Variants in RARB observed in about 807,000 individuals in gnomAD.
RARB encodes HBV-activated protein.
RARB carries 17 observed loss-of-function variants against 51.9 expected under a neutral mutation model. That is an observed-to-expected ratio of 0.33 (90% CI 0.22 to 0.49). The LOEUF is 0.49. Among genes scored for constraint, RARB ranks in the 20% least tolerant of loss-of-function variants. RARB has a pLI of 0.99. For synonymous variants in RARB, 215 were observed against 195.4 expected (o/e 1.10, Z -0.84); for missense variants, 369 against 550.8 (o/e 0.67, Z 3.30).
intron 1 of RARB, among the ~76,000 whole-genome samples, chr3:25,435,349 A>AT (rs1324521797): frequency 6.6e-6 from 1 of 152,174 alleles, no homozygotes; most frequent in Non-Finnish European, 1.5e-5. Flanking sequence ...TCACATCCCA[A>AT]TTTTTTTCCC....
intron 2 of RARB, among the ~76,000 whole-genome samples, chr3:25,475,810 C>T (rs1695918055): frequency 1.3e-5 from 2 of 152,226 alleles, no homozygotes; most frequent in South Asian, 4.1e-4. Context: ...GCATTTGTTA[C>T]TCTCACAGTA....
At chr3:25,443,088 C>T (rs530160193) in intron 1 of RARB, among the ~76,000 whole-genome samples, 127 of 152,200 alleles carry the variant, frequency 8.3e-4, no homozygotes, top group African/African-American at 3.0e-3. Flanking sequence ...ACCCAGAGTG[C>T]GGCACACAGT....
chr3:24,829,822 C>T (rs1168026465), intron 1 of RARB, among the ~76,000 whole-genome samples: 5 of 152,232 alleles, frequency 3.3e-5, no homozygotes, highest in Non-Finnish European at 7.3e-5. Flanking sequence ...CTTCGCGTCC[C>T]TGCCGGGTCC....
At position 25,505,544 on chromosome 3, in the gene RARB, A is replaced by ATT. The variant is rs5847359; in HGVS notation, c.448+4233_448+4234dup. ...ATCAGAACAGTATGCTTATTTCTTC[A>ATT]TTTTTTTTTTTTTCTGTTTTGTAAA... is the stretch of plus-strand genomic sequence containing the variant. On this transcript the variant is annotated intron_variant, in intron 3 of 7. Coordinates refer to ENST00000330688, the MANE Select transcript of RARB (RefSeq NM_000965.5). Among the ~76,000 whole-genome samples the ATT allele has an allele frequency of 1.6e-3, 241 of 146,346 alleles. 1 individual carries two copies. Among genetic ancestry groups the ATT allele is most frequent in the African/African-American group, 3.3e-3 (131 of 39,870 alleles).
At chr3:24,925,515 A>G (rs549922277) in intron 2 of RARB, among the ~76,000 whole-genome samples, 1 of 151,874 alleles carries the variant, frequency 6.6e-6, no homozygotes, top group South Asian at 2.1e-4. Context: ...TGGTGTGCAT[A>G]TCTGTGGTCT....
chr3:24,992,593 G>T (rs1414675118), intron 2 of RARB, among the ~76,000 whole-genome samples: 1 of 152,194 alleles, frequency 6.6e-6, no homozygotes, highest in African/African-American at 2.4e-5. Context: ...TGGCAGAAAA[G>T]TGTTTTCTCA....
At chr3:24,940,542 C>T (rs1431277380) in intron 2 of RARB, among the ~76,000 whole-genome samples, 1 of 152,328 alleles carries the variant, frequency 6.6e-6, no homozygotes. Context: ...CAAATTTCCT[C>T]TCCATCCAAT....
At chr3:25,466,727 A>G (rs183583278) in intron 2 of RARB, among the ~76,000 whole-genome samples, 1 of 152,360 alleles carries the variant, frequency 6.6e-6, no homozygotes, top group East Asian at 1.9e-4. Flanking sequence ...GCAAAGAGCC[A>G]CATAGTAAAT....
intron 3 of RARB, among the ~76,000 whole-genome samples, chr3:25,562,687 A>G (rs190909281): frequency 6.6e-6 from 1 of 152,336 alleles, no homozygotes; most frequent in East Asian, 1.9e-4. Context: ...ATGTCCAAAG[A>G]AAAGGATTTT....
intron 1 of RARB, among the ~76,000 whole-genome samples, chr3:25,434,349 C>A (rs1273230654): frequency 6.6e-6 from 1 of 152,106 alleles, no homozygotes; most frequent in Non-Finnish European, 1.5e-5. Flanking sequence ...TTATAATTGT[C>A]ATTTTACATT....
intron 2 of RARB, among the ~76,000 whole-genome samples, chr3:24,940,427 C>A (rs960253591): frequency 4.4e-5 from 6 of 137,406 alleles, no homozygotes; most frequent in African/African-American, 1.4e-4. Context: ...AAAATTAATT[C>A]TATTTCCTCT....
intron 5 of RARB, among the ~76,000 whole-genome samples, chr3:25,297,878 C>T (rs1039744815): frequency 2.6e-5 from 4 of 152,148 alleles, no homozygotes; most frequent in African/African-American, 9.7e-5. Flanking sequence ...CAGATGGGCT[C>T]AACTGCTTTT....
chr3:25,407,758 C>CTTTT (rs11293787), intron 5 of RARB, among the ~76,000 whole-genome samples: 2 of 146,954 alleles, frequency 1.4e-5, no homozygotes, highest in Non-Finnish European at 1.5e-5. Context: ...TGCATGAAGG[C>CTTTT]TTTTTTTTTT....
intron 1 of RARB, among the ~76,000 whole-genome samples, chr3:25,456,682 T>TATAGAGAGAGAG (rs1491372969): frequency 1.1e-5 from 1 of 88,394 alleles, no homozygotes; most frequent in Non-Finnish European, 2.1e-5. Flanking sequence ...TATATATATA[T>TATAGAGAGAGAG]AGAGAGAGAG....
chr3:25,086,389 T>C (rs944048702), intron 3 of RARB, among the ~76,000 whole-genome samples: 2 of 152,202 alleles, frequency 1.3e-5, no homozygotes, highest in Non-Finnish European at 2.9e-5. Context: ...TCTTACAATT[T>C]GCTAACGTAA....
At chr3:24,883,369 TG>T (rs1391493254) in intron 2 of RARB, among the ~76,000 whole-genome samples, 3 of 130,596 alleles carry the variant, frequency 2.3e-5, no homozygotes, top group Non-Finnish European at 4.5e-5. Context: ...TGTGTGTGTG[TG>T]TGTGTGTGTG....
chr3:25,569,120 T>C (rs982319103), intron 3 of RARB, among the ~76,000 whole-genome samples: 26 of 152,240 alleles, frequency 1.7e-4, no homozygotes, highest in Admixed American at 5.9e-4. Flanking sequence ...TGAATGGTTT[T>C]CCAGGCTGAA....
chr3:25,126,454 T>A (rs1297858802), intron 3 of RARB, among the ~76,000 whole-genome samples: 1 of 151,764 alleles, frequency 6.6e-6, no homozygotes, highest in Admixed American at 6.6e-5. Context: ...TTTTTTTTTT[T>A]AAAGGTCACT....
At chr3:24,909,416 G>A (rs776413898) in intron 2 of RARB, among the ~76,000 whole-genome samples, 6 of 152,232 alleles carry the variant, frequency 3.9e-5, no homozygotes, top group Admixed American at 1.3e-4. Context: ...AATTTTTGAC[G>A]TATTAAAGTT....
Sources: gnomAD v4.1 joint callset for allele counts (sites outside exome capture counted in the v4.1 genomes callset) on GRCh38, gnomAD v4.1.1 for gene constraint, MANE v1.5 for transcripts, NCBI Gene and HGNC (gene_info 2026-07-23, HGNC 2026-07-21) for gene names.